HS6ST3: variants seen among roughly 807,000 people sequenced by gnomAD.
HS6ST3 encodes heparan sulfate 6-O-sulfotransferase 3, also known as heparan-sulfate 6-O-sulfotransferase 3.
Under a neutral mutation model 36.7 loss-of-function variants are expected in HS6ST3, and 12 were observed. That is an observed-to-expected ratio of 0.33 (90% confidence interval 0.21 to 0.53). The LOEUF (loss-of-function observed/expected upper bound fraction) is 0.53. HS6ST3 is among the 20% of genes least tolerant of loss of function. The pLI is 0.95. For synonymous variants in HS6ST3, 240 were observed against 257.5 expected, an observed-to-expected ratio of 0.93 and a Z score of 0.65; for missense variants, 584 against 640.9, an observed-to-expected ratio of 0.91 and a Z score of 0.96.
chr13:96,643,034 A>G (rs1426641861), intron 1 of HS6ST3, among the ~76,000 whole-genome samples: 9 of 151,936 alleles, frequency 5.9e-5, no homozygotes, highest in Non-Finnish European at 1.3e-4. Flanking sequence ...TGGAAATCAG[A>G]TTCTACTCAC....
Position 96,505,835 on chromosome 13 carries a change from C to A in HS6ST3, c.708-326655C>A, listed in dbSNP as rs149194424. Reference sequence around the variant, plus strand: ...TGGTGGAAAATGGTTCCATGCATACCTTTTCTGCAAAGGGCTTTTCTTTAA... The same window carrying A: ...TGGTGGAAAATGGTTCCATGCATACATTTTCTGCAAAGGGCTTTTCTTTAA... On this transcript the variant is annotated intron_variant, in intron 1 of 1. Coordinates refer to ENST00000376705, the MANE Select transcript of HS6ST3 (RefSeq NM_153456.4). Among the ~76,000 whole-genome samples, 447 of 152,148 alleles carry A rather than the reference C, an allele frequency of 2.9e-3. 1 individual carries two copies. The highest frequency in any genetic ancestry group is 0.027 in the Middle Eastern group (8 of 294).
intron 1 of HS6ST3, among the ~76,000 whole-genome samples, chr13:96,714,772 C>T (rs1366589793): frequency 1.3e-5 from 2 of 152,150 alleles, no homozygotes; most frequent in Non-Finnish European, 2.9e-5. Flanking sequence ...GATCATAGCT[C>T]ACTGCAGCCC....
chr13:96,139,146 G>A (rs571965394), intron 1 of HS6ST3, among the ~76,000 whole-genome samples: 1 of 152,066 alleles, frequency 6.6e-6, no homozygotes, highest in Non-Finnish European at 1.5e-5. Context: ...TTCTCTAAGC[G>A]AAAGGAAAAG....
intron 1 of HS6ST3, among the ~76,000 whole-genome samples, chr13:96,812,672 G>GT (rs1251924678): frequency 6.6e-6 from 1 of 152,078 alleles, no homozygotes; most frequent in Non-Finnish European, 1.5e-5. Flanking sequence ...TGAGATCTTT[G>GT]TTACTCCACC....
At chr13:96,549,834 G>A (rs757601116) in intron 1 of HS6ST3, among the ~76,000 whole-genome samples, 3 of 151,622 alleles carry the variant, frequency 2.0e-5, no homozygotes, top group Admixed American at 1.3e-4. Context: ...CTGCCCACCC[G>A]AGACACCTTC....
chr13:96,621,720 G>GA (rs2056495869), intron 1 of HS6ST3, among the ~76,000 whole-genome samples: 1 of 152,006 alleles, frequency 6.6e-6, no homozygotes, highest in South Asian at 2.1e-4. Context: ...GGCAAATGCT[G>GA]AAAAAAATAA....
At chr13:96,564,953 C>A (rs1461117266) in intron 1 of HS6ST3, among the ~76,000 whole-genome samples, 1 of 152,136 alleles carries the variant, frequency 6.6e-6, no homozygotes, top group Non-Finnish European at 1.5e-5. Context: ...AGTGCTATGG[C>A]AGGTGGAATG....
chr13:96,386,852 G>A (rs952437024), intron 1 of HS6ST3, among the ~76,000 whole-genome samples: 2 of 152,162 alleles, frequency 1.3e-5, no homozygotes, highest in African/African-American at 4.8e-5. Context: ...GTGACAGAGC[G>A]AGACTCCATT....
chr13:96,574,272 C>A (rs2056312734), intron 1 of HS6ST3: 2 of 395,718 alleles, frequency 5.1e-6, no homozygotes, highest in Non-Finnish European at 1.0e-5. Context: ...GGGATTTAAA[C>A]TGAATTCATT....
At chr13:96,482,228 C>A (rs1286026006) in intron 1 of HS6ST3, among the ~76,000 whole-genome samples, 1 of 152,148 alleles carries the variant, frequency 6.6e-6, no homozygotes, top group Non-Finnish European at 1.5e-5. Flanking sequence ...ACCTATGACA[C>A]TGATCTTCGG....
intron 1 of HS6ST3, among the ~76,000 whole-genome samples, chr13:96,690,103 G>C (rs35708749): frequency 6.6e-6 from 1 of 151,962 alleles, no homozygotes; most frequent in African/African-American, 2.4e-5. Context: ...CATTCCTTAC[G>C]TCCTTACAAG....
intron 1 of HS6ST3, among the ~76,000 whole-genome samples, chr13:96,197,612 A>G (rs1187752304): frequency 6.6e-6 from 1 of 152,230 alleles, no homozygotes. Context: ...CCTTCTGCCT[A>G]TGAGCCTGTA....
At chr13:96,313,700 ATCT>A (rs1288305434) in intron 1 of HS6ST3, among the ~76,000 whole-genome samples, 3 of 152,138 alleles carry the variant, frequency 2.0e-5, no homozygotes, top group East Asian at 1.9e-4. Context: ...AATTCCTATT[ATCT>A]TCTTAGCTTA....
chr13:96,238,636 A>G (rs980562687), intron 1 of HS6ST3, among the ~76,000 whole-genome samples: 1 of 152,206 alleles, frequency 6.6e-6, no homozygotes, highest in African/African-American at 2.4e-5. Context: ...TTTCTTTACA[A>G]GACTCATGGC....
chr13:96,339,627 G>A (rs1297548269), intron 1 of HS6ST3, among the ~76,000 whole-genome samples: 1 of 152,230 alleles, frequency 6.6e-6, no homozygotes, highest in Non-Finnish European at 1.5e-5. Flanking sequence ...TAGACCAAGA[G>A]TTTATTAAGT....
chr13:96,155,154 G>A (rs951455094), intron 1 of HS6ST3, among the ~76,000 whole-genome samples: 2 of 151,954 alleles, frequency 1.3e-5, no homozygotes, highest in Non-Finnish European at 2.9e-5. Context: ...GTTGTATTGA[G>A]AACTACAATA....
At chr13:96,360,756 G>A (rs950682731) in intron 1 of HS6ST3, among the ~76,000 whole-genome samples, 2 of 151,830 alleles carry the variant, frequency 1.3e-5, no homozygotes, top group African/African-American at 4.8e-5. Context: ...AGACCAGCCA[G>A]GCCAACATGG....
At position 96,839,382 on chromosome 13, in the gene HS6ST3, T is replaced by C. The variant is rs943998517; in HGVS notation, c.*6184T>C. On this transcript the variant is annotated 3_prime_UTR_variant, in exon 2 of 2. Coordinates refer to ENST00000376705, the MANE Select transcript of HS6ST3 (RefSeq NM_153456.4). ...AGTAAATTATTTCTCTTAAGAGATA[T>C]TTCCTTTTATTTCTGTACAATAATA... 2 of 152,236 alleles carry C rather than the reference T, an allele frequency of 1.3e-5. No individual in the cohort carries two copies. The highest frequency in any genetic ancestry group is 4.8e-5 in the African/African-American group (2 of 41,464). The allele number at this position is 152,236 out of a possible 1,614,324, so 9.4% of individuals were successfully genotyped here.
intron 1 of HS6ST3, among the ~76,000 whole-genome samples, chr13:96,753,851 G>T (rs1022149760): frequency 2.0e-5 from 3 of 151,724 alleles, no homozygotes; most frequent in East Asian, 3.9e-4. Flanking sequence ...ACTGAGTCTC[G>T]CTCTGTTGCC....
Sources: gnomAD v4.1 joint callset for allele counts (sites outside exome capture counted in the v4.1 genomes callset) on GRCh38, gnomAD v4.1.1 for gene constraint, MANE v1.5 for transcripts, NCBI Gene and HGNC (gene_info 2026-07-23, HGNC 2026-07-21) for gene names.